ZNF835: variants seen among roughly 807,000 people sequenced by gnomAD.
The protein encoded by ZNF835 is zinc finger protein 835.
For synonymous variants in ZNF835, 323 were observed against 324.7 expected, an observed-to-expected ratio of 0.99 and a Z score of 0.06; for missense variants, 783 against 758.4, an observed-to-expected ratio of 1.03 and a Z score of -0.38.
Position 56,663,827 on chromosome 19 carries a change from G to T in ZNF835, c.1372C>A (p.Arg458Ser). The T allele has an allele frequency of 6.2e-7, 1 of 1,613,840 alleles. No homozygotes were observed. Among genetic ancestry groups the T allele is most frequent in the South Asian group, 1.1e-5 (1 of 91,078 alleles). ...ATGTGGTGCTGGATCAGGTAGGAGCGGTTGCTGAAGGCCTTGCCGCACTCG... is the reference window on the plus strand; with the variant it reads ...ATGTGGTGCTGGATCAGGTAGGAGCTGTTGCTGAAGGCCTTGCCGCACTCG... ...CPECGKAFSN[R>S]SYLIQHHIVH... Residue 458 changes from arginine (R) to serine (S), a missense_variant, in exon 2 of 2, where the codon CGC becomes AGC. Transcript: ENST00000537055.
rs2045201299 is a variant in ZNF835 at position 56,663,224 on chromosome 19, C to T, written c.*361G>A. 2 of 261,774 alleles carry T rather than the reference C, an allele frequency of 7.6e-6. No individual in the cohort carries two copies. The highest frequency in any genetic ancestry group is 1.0e-4 in the Admixed American group (2 of 19,404). The allele number at this position is 261,774 out of a possible 1,614,324, so 16.2% of individuals were successfully genotyped here. A position where few individuals can be genotyped will look rare whatever the true frequency, so the allele number is the denominator to read the frequency against. ...ATTTTAACTACTCGGGAGGTTGAGG[C>T]AGGAGAATCACTTGTACCCGGGAGG... is the stretch of plus-strand genomic sequence containing the variant. On this transcript the variant is annotated 3_prime_UTR_variant, in exon 2 of 2. Transcript: ENST00000537055.
At chr19:56,669,346 T>A (rs1426571788) in intron 1 of ZNF835, among the ~76,000 whole-genome samples, 1 of 152,052 alleles carries the variant, frequency 6.6e-6, no homozygotes, top group Non-Finnish European at 1.5e-5. Flanking sequence ...TTATGGGGGT[T>A]CCATGACACG....
Position 56,663,343 on chromosome 19 carries a change from G to A in ZNF835, c.*242C>T. On this transcript the variant is annotated 3_prime_UTR_variant, in exon 2 of 2. Transcript: ENST00000537055. Reference sequence around the variant, plus strand: ...CAAAGAAAAAAAGAAAGAAATTAAAGGCCAGCCATAGGTGTTTCTGCAGGT... The same window carrying A: ...CAAAGAAAAAAAGAAAGAAATTAAAAGCCAGCCATAGGTGTTTCTGCAGGT... The A allele has an allele frequency of 3.5e-6, 2 of 578,132 alleles. No individual in the cohort carries two copies. Among genetic ancestry groups the A allele is most frequent in the East Asian group, 5.8e-5 (2 of 34,358 alleles). 35.8% of individuals were successfully genotyped at this position (578,132 alleles called of 1,614,324 possible).
Position 56,664,907 on chromosome 19 carries a change from G to C in ZNF835, c.292C>G (p.Arg98Gly). The stretch of plus-strand genomic sequence containing the variant: ...GGGCCTCCACCTCTCTCCCGCTGGC[G>C]GCTGTCAGGATGCCTCTCCTTCGGG... Reference protein sequence around the residue: ...ESPKERHPDSRQRERGGGPKK... With the variant: ...ESPKERHPDSGQRERGGGPKK... The change falls in exon 2 of 2, where the codon CGC (arginine) becomes GGC (glycine). Residue 98 changes from arginine to glycine, a missense_variant. Coordinates refer to ENST00000537055, the MANE Select transcript of ZNF835 (RefSeq NM_001005850.3). 6.2e-7 allele frequency: 1 copy of C among 1,613,942 alleles called. No homozygotes were observed. The highest frequency in any genetic ancestry group is 8.5e-7 in the Non-Finnish European group (1 of 1,179,878).
Position 56,663,317 on chromosome 19 carries a change from T to A in ZNF835, c.*268A>T, listed in dbSNP as rs531083971. 1 of 521,898 alleles carries A rather than the reference T, an allele frequency of 1.9e-6. No individual in the cohort carries two copies. Among genetic ancestry groups the A allele is most frequent in the South Asian group, 2.3e-5 (1 of 43,534 alleles). 32.3% of individuals were successfully genotyped at this position (521,898 alleles called of 1,614,324 possible). On this transcript the variant is annotated 3_prime_UTR_variant, in exon 2 of 2. Coordinates refer to ENST00000537055, the MANE Select transcript of ZNF835 (RefSeq NM_001005850.3). ...CTGGGTGACAGAGAGAGACACTGTC[T>A]CAAAGAAAAAAAGAAAGAAATTAAA...
At position 56,664,844 on chromosome 19, in the gene ZNF835, A is replaced by C; in HGVS notation, c.355T>G (p.Phe119Val). The change falls in exon 2 of 2, where the codon TTC becomes GTC. Residue 119 changes from phenylalanine (F) to valine (V), a missense_variant. Physicochemically the swap from Phe to Val is conservative, Grantham distance 50 (BLOSUM62 -1). Transcript: ENST00000537055. ...PWKCGDCGKA[F>V]SYCSAFILHQ... ...AAGATGAACGCTGAACAGTAGCTGA[A>C]GGCCTTCCCGCAGTCCCCGCATTTC... 6.2e-7 allele frequency: 1 copy of C among 1,613,828 alleles called. No individual in the cohort carries two copies. Among genetic ancestry groups the C allele is most frequent in the Non-Finnish European group, 8.5e-7 (1 of 1,179,830 alleles).
intron 1 of ZNF835, among the ~76,000 whole-genome samples, chr19:56,667,605 A>T (rs2045256829): frequency 6.6e-6 from 1 of 152,198 alleles, no homozygotes; most frequent in South Asian, 2.1e-4. Flanking sequence ...CTGTGTGCAT[A>T]CAGCAGAGAG....
rs7258000 is a variant in ZNF835, at chr19:56,665,477, C to T, written c.-47-232G>A. 0.017 allele frequency: 11,634 copies of T among 677,162 alleles called. 902 individuals are homozygous for T. In the African/African-American group the frequency reaches 0.17, roughly 10 times the overall value. 41.9% of individuals were successfully genotyped at this position (677,162 alleles called of 1,614,324 possible). A position where few individuals can be genotyped will look rare whatever the true frequency, so the allele number is the denominator to read the frequency against. ...CTGCCAGGGACACTACCCCTCAACC[C>T]CTGAGTTGTAACAATGAAAAATGTC... On this transcript the variant is annotated intron_variant, in intron 1 of 1. Coordinates refer to ENST00000537055, the MANE Select transcript of ZNF835 (RefSeq NM_001005850.3).
At position 56,664,013 on chromosome 19, in the gene ZNF835, C is replaced by T. The variant is rs2045213087; in HGVS notation, c.1186G>A (p.Gly396Arg). The part of the protein sequence containing the change: ...GERPYRCLQC[G>R]AAFSHVSSLI... ...GAGGACACGTGGCTGAAGGCGGCCCCGCATTGCAGGCACCTGTAGGGCCGC... is the reference window on the plus strand; with the variant it reads ...GAGGACACGTGGCTGAAGGCGGCCCTGCATTGCAGGCACCTGTAGGGCCGC... Residue 396 changes from glycine (G) to arginine (R), a missense_variant, in exon 2 of 2, where the codon GGG (glycine) becomes AGG (arginine). Transcript: ENST00000537055. 4 of 1,612,474 alleles carry T rather than the reference C, an allele frequency of 2.5e-6. No homozygotes were observed. The highest frequency in any genetic ancestry group is 3.4e-6 in the Non-Finnish European group (4 of 1,179,438).
Position 56,664,018 on chromosome 19 carries a change from T to A in ZNF835, c.1181A>T (p.Gln394Leu), listed in dbSNP as rs749953152. Residue 394 changes from glutamine (Q) to leucine (L), a missense_variant, in exon 2 of 2, where the codon CAA becomes CTA. Physicochemically the swap from Gln to Leu is moderately radical, Grantham distance 113. Transcript: ENST00000537055. Reference protein sequence around the residue: ...HTGERPYRCLQCGAAFSHVSS... With the variant: ...HTGERPYRCLLCGAAFSHVSS... Reference sequence around the variant, plus strand: ...CACGTGGCTGAAGGCGGCCCCGCATTGCAGGCACCTGTAGGGCCGCTCACC... The same window carrying A: ...CACGTGGCTGAAGGCGGCCCCGCATAGCAGGCACCTGTAGGGCCGCTCACC... The A allele has an allele frequency of 6.2e-7, 1 of 1,611,520 alleles. No individual in the cohort carries two copies. The highest frequency in any genetic ancestry group is 8.5e-7 in the Non-Finnish European group (1 of 1,179,166).
chr19:56,668,027 C>T (rs932077049), intron 1 of ZNF835, among the ~76,000 whole-genome samples: 3 of 152,024 alleles, frequency 2.0e-5, no homozygotes, highest in Non-Finnish European at 2.9e-5. Context: ...ATAAGAGTTT[C>T]GCTCTTGGTG....
chr19:56,662,542 A>C lies in ZNF835; in HGVS notation c.*1043T>G, dbSNP rs1343221362. ...AGAAGCACTCCCTTCTTCTAGAATA[A>C]CTTTCAGCTCTAGATTTCTCCTGCT... On this transcript the variant is annotated 3_prime_UTR_variant, in exon 2 of 2. Transcript: ENST00000537055. 6.6e-6 allele frequency: 1 copy of C among 152,226 alleles called. No homozygotes were observed. The highest frequency in any genetic ancestry group is 2.4e-5 in the African/African-American group (1 of 41,462). 9.4% of individuals were successfully genotyped at this position (152,226 alleles called of 1,614,324 possible).
At chr19:56,669,416 C>T (rs899736585) in intron 1 of ZNF835, among the ~76,000 whole-genome samples, 2 of 152,144 alleles carry the variant, frequency 1.3e-5, no homozygotes, top group Non-Finnish European at 2.9e-5. Context: ...ACTTCCAGCC[C>T]TCTCCCCTCC....
In ZNF835 at chr19:56,663,310, C is replaced by T. The variant is rs1426934248; in HGVS notation, c.*275G>A. 7.9e-6 allele frequency: 4 copies of T among 503,192 alleles called. No homozygotes were observed. The highest frequency in any genetic ancestry group is 1.9e-5 in the African/African-American group (1 of 51,832). The allele number at this position is 503,192 out of a possible 1,614,324, so 31.2% of individuals were successfully genotyped here. ...CTCTAGCCTGGGTGACAGAGAGAGA[C>T]ACTGTCTCAAAGAAAAAAAGAAAGA... On this transcript the variant is annotated 3_prime_UTR_variant, in exon 2 of 2. Coordinates refer to ENST00000537055, the MANE Select transcript of ZNF835 (RefSeq NM_001005850.3).
rs2045295374 is a variant in ZNF835 at position 56,671,711 on chromosome 19, G to A, written c.-183C>T. On this transcript the variant is annotated 5_prime_UTR_variant, in exon 1 of 2. Coordinates refer to ENST00000537055, the MANE Select transcript of ZNF835 (RefSeq NM_001005850.3). Reference sequence around the variant, plus strand: ...GACCCTGGTGCCTCCTTCCTTAGACGAGCTAAGGTCAAGACTTCTGCTGCT... The same window carrying A: ...GACCCTGGTGCCTCCTTCCTTAGACAAGCTAAGGTCAAGACTTCTGCTGCT... The A allele has an allele frequency of 6.6e-6, 1 of 152,300 alleles. No homozygotes were observed. Among genetic ancestry groups the A allele is most frequent in the Non-Finnish European group, 1.5e-5 (1 of 68,122 alleles). 9.4% of individuals were successfully genotyped at this position (152,300 alleles called of 1,614,324 possible).
intron 1 of ZNF835, among the ~76,000 whole-genome samples, chr19:56,668,960 A>T (rs1453907975): frequency 6.6e-6 from 1 of 152,134 alleles, no homozygotes; most frequent in Non-Finnish European, 1.5e-5. Context: ...TGTTGTGCAC[A>T]CACAAAGGAG....
rs199769663 is a variant in ZNF835, at chr19:56,670,184, C to CA, written c.-48+1391dup. On this transcript the variant is annotated intron_variant, in intron 1 of 1. Transcript: ENST00000537055. ...ATTAGCATAAACACAGGTGTGGTTG[C>CA]AGGGGGCTTATTAAGAGTTGCAGAA... is the stretch of plus-strand genomic sequence containing the variant. Among the ~76,000 whole-genome samples the CA allele has an allele frequency of 6.7e-3, 1,012 of 151,386 alleles. 19 individuals carry two copies. Among genetic ancestry groups the CA allele is most frequent in the African/African-American group, 0.024 (961 of 40,732 alleles).
In ZNF835 at chr19:56,663,808, T is replaced by G. The variant is rs377545334; in HGVS notation, c.1391A>C (p.His464Pro). The G allele has an allele frequency of 8.7e-6, 14 of 1,614,068 alleles. No individual in the cohort carries two copies. The highest frequency in any genetic ancestry group is 1.2e-5 in the Non-Finnish European group (14 of 1,179,990). The change falls in exon 2 of 2, where the codon CAC becomes CCC. Residue 464 changes from histidine (H) to proline (P), a missense_variant. His to Pro is a moderately conservative substitution (Grantham distance 77). Coordinates refer to ENST00000537055, the MANE Select transcript of ZNF835 (RefSeq NM_001005850.3). The part of the protein sequence containing the change: ...AFSNRSYLIQ[H>P]HIVHTGEKPY... ...CTTCTCCCCGGTGTGCACGATGTGG[T>G]GCTGGATCAGGTAGGAGCGGTTGCT...
chr19:56,663,917 T>A lies in ZNF835; in HGVS notation c.1282A>T (p.Ser428Cys). Reference sequence around the variant, plus strand: ...TGCAGGGCGAGCGAGGAGCCCTGGCTGAAAGCTTTGCCGCACTCGCCGCAC... The same window carrying A: ...TGCAGGGCGAGCGAGGAGCCCTGGCAGAAAGCTTTGCCGCACTCGCCGCAC... ...YKCGECGKAF[S>C]QGSSLALHQR... Residue 428 changes from serine (S) to cysteine (C), a missense_variant, in exon 2 of 2, where the codon AGC becomes TGC. Coordinates refer to ENST00000537055, the MANE Select transcript of ZNF835 (RefSeq NM_001005850.3). 1 of 1,611,404 alleles carries A rather than the reference T, an allele frequency of 6.2e-7. No homozygotes were observed. The highest frequency in any genetic ancestry group is 8.5e-7 in the Non-Finnish European group (1 of 1,179,166).
Sources: gnomAD v4.1 joint callset for allele counts (sites outside exome capture counted in the v4.1 genomes callset) on GRCh38, gnomAD v4.1.1 for gene constraint, MANE v1.5 for transcripts, NCBI Gene and HGNC (gene_info 2026-07-23, HGNC 2026-07-21) for gene names.